The following KIAA1217 variants were observed in gnomAD, a reference collection of about 807,000 sequenced individuals.
The protein encoded by KIAA1217 is sickle tail protein homolog.
Under a neutral mutation model 163.9 loss-of-function variants are expected in KIAA1217, and 88 were observed. The ratio of observed to expected loss-of-function variants is 0.54; its 90% CI spans 0.45 to 0.64. The LOEUF is 0.64. Ranked by LOEUF, KIAA1217 falls within the 30% of genes least tolerant of loss-of-function variation. The pLI is 0.00. For missense variants in KIAA1217, 2,372 were observed against 2,475.0 expected (o/e 0.96, Z 0.88); for synonymous variants, 903 against 923.1 (o/e 0.98, Z 0.39).
intron 16 of KIAA1217, 31 bp from the exon 17 acceptor site, chr10:24,536,743 C>T (rs1174280210): frequency 6.2e-7 from 1 of 1,608,990 alleles, no homozygotes; most frequent in Non-Finnish European, 8.5e-7. Flanking sequence ...ACCCTTGGAT[C>T]CCTGTTAACC....
rs768727392 is a variant in KIAA1217, at chr10:24,391,333, C to CTTTTTT, written c.553+10288_553+10293dup. ...GGTTCTCCTGTTTCTTTCTTTCTTT[C>CTTTTTT]TTTTTTTTTTTTTTTTTTTTTTTTT... On this transcript the variant is annotated intron_variant, in intron 3 of 20. Coordinates refer to ENST00000376454, the MANE Select transcript of KIAA1217 (RefSeq NM_019590.5). Among the ~76,000 whole-genome samples, 88 of 29,878 alleles carry CTTTTTT rather than the reference C, an allele frequency of 2.9e-3. 2 individuals carry two copies. Among genetic ancestry groups the CTTTTTT allele is most frequent in the African/African-American group, 0.019 (74 of 3,898 alleles). 19.6% of individuals were successfully genotyped at this position (29,878 alleles called of 152,430 possible).
At chr10:24,313,505 G>A (rs912360273) in intron 2 of KIAA1217, among the ~76,000 whole-genome samples, 2 of 152,160 alleles carry the variant, frequency 1.3e-5, no homozygotes, top group Non-Finnish European at 2.9e-5. Context: ...ATATTAATGG[G>A]CTGTGTTGGT....
At chr10:23,742,443 T>C (rs1839171035) in intron 1 of KIAA1217, among the ~76,000 whole-genome samples, 1 of 152,204 alleles carries the variant, frequency 6.6e-6, no homozygotes, top group Non-Finnish European at 1.5e-5. Flanking sequence ...CTCACTGTTC[T>C]TCAGGCTGTG....
At chr10:24,352,926 G>A (rs1264783325) in intron 2 of KIAA1217, among the ~76,000 whole-genome samples, 1 of 152,074 alleles carries the variant, frequency 6.6e-6, no homozygotes, top group Non-Finnish European at 1.5e-5. Context: ...GAGGGTGGGT[G>A]GGGGTGGTGT....
intron 2 of KIAA1217, among the ~76,000 whole-genome samples, chr10:24,287,422 C>T (rs910910099): frequency 1.3e-5 from 2 of 152,156 alleles, no homozygotes; most frequent in African/African-American, 4.8e-5. Flanking sequence ...CCACGTTCAT[C>T]TTTGAAAAAA....
chr10:24,052,839 G>A (rs1053066661), intron 2 of KIAA1217, among the ~76,000 whole-genome samples: 21 of 152,106 alleles, frequency 1.4e-4, no homozygotes, highest in Admixed American at 1.4e-3. Flanking sequence ...CTATTTAGGA[G>A]CAAATTATCA....
intron 2 of KIAA1217, among the ~76,000 whole-genome samples, chr10:24,188,333 G>A (rs552563243): frequency 2.6e-5 from 4 of 152,178 alleles, no homozygotes; most frequent in Non-Finnish European, 5.9e-5. Context: ...AAGTAAAAGT[G>A]AAGCCTCAAA....
intron 1 of KIAA1217, among the ~76,000 whole-genome samples, chr10:23,774,293 G>A (rs1188536345): frequency 6.6e-6 from 1 of 152,216 alleles, no homozygotes; most frequent in African/African-American, 2.4e-5. Context: ...TGGCGAAAGA[G>A]GTGAAAGGAC....
intron 2 of KIAA1217, among the ~76,000 whole-genome samples, chr10:24,090,164 CTTTTTTTTT>C (rs1162687231): frequency 9.2e-6 from 1 of 109,238 alleles, no homozygotes; most frequent in Non-Finnish European, 1.8e-5. Context: ...TTTTCTTTTT[CTTTTTTTTT>C]TTTTTTTTTT....
intron 2 of KIAA1217, among the ~76,000 whole-genome samples, chr10:24,356,511 C>T (rs2049127816): frequency 6.6e-6 from 1 of 152,130 alleles, no homozygotes; most frequent in Admixed American, 6.6e-5. Flanking sequence ...TAGGAGGTTG[C>T]CGTGGTTTCA....
At chr10:23,972,531 G>T (rs1241205297) in intron 1 of KIAA1217, among the ~76,000 whole-genome samples, 1 of 149,418 alleles carries the variant, frequency 6.7e-6, no homozygotes, top group Non-Finnish European at 1.5e-5. Flanking sequence ...CAAACACTAT[G>T]TATTCTCACT....
intron 1 of KIAA1217, among the ~76,000 whole-genome samples, chr10:23,704,702 A>T (rs1394434137): frequency 6.6e-6 from 1 of 152,124 alleles, no homozygotes; most frequent in Non-Finnish European, 1.5e-5. Flanking sequence ...TTGTCCATTT[A>T]TCAGTTTATG....
chr10:24,397,760 C>A (rs182016548), intron 3 of KIAA1217, among the ~76,000 whole-genome samples: 1 of 152,274 alleles, frequency 6.6e-6, no homozygotes, highest in Non-Finnish European at 1.5e-5. Context: ...AGCAATGAAG[C>A]TGGAGCCACA....
intron 8 of KIAA1217, among the ~76,000 whole-genome samples, chr10:24,500,796 A>G (rs1327559063): frequency 4.6e-5 from 7 of 152,192 alleles, no homozygotes; most frequent in Non-Finnish European, 8.8e-5. Context: ...GAAATACAAA[A>G]AATTGGCCAA....
chr10:23,817,992 T>TACACAC (rs1381263730), intron 1 of KIAA1217, among the ~76,000 whole-genome samples: 1 of 114,832 alleles, frequency 8.7e-6, no homozygotes, highest in African/African-American at 4.1e-5. Flanking sequence ...TATATATATA[T>TACACAC]ATATATATAT....
At chr10:24,424,074 T>G (rs1466156716) in intron 3 of KIAA1217, among the ~76,000 whole-genome samples, 1 of 152,210 alleles carries the variant, frequency 6.6e-6, no homozygotes, top group African/African-American at 2.4e-5. Flanking sequence ...TTCCAAATTT[T>G]TTTTTTTTTT....
chr10:24,304,161 C>G (rs2041719810), intron 2 of KIAA1217, among the ~76,000 whole-genome samples: 1 of 141,210 alleles, frequency 7.1e-6, no homozygotes, highest in Admixed American at 7.1e-5. Context: ...AAAAGTGTTT[C>G]AGTTTGTCAT....
chr10:23,919,684 A>G (rs959647213), intron 1 of KIAA1217, among the ~76,000 whole-genome samples: 8 of 151,426 alleles, frequency 5.3e-5, no homozygotes, highest in African/African-American at 1.7e-4. Context: ...ATATTCATTC[A>G]TACATGCCAA....
rs761714735 is a variant in KIAA1217 at position 24,543,092 on chromosome 10, T to C, written c.3822T>C (p.Ser1274=). The change falls in exon 19 of 21, where the codon AGT becomes AGC. Residue 1274 remains serine (S), a synonymous_variant. Coordinates refer to ENST00000376454, the MANE Select transcript of KIAA1217 (RefSeq NM_019590.5). ...PKASFGFSGI[S]PLEDEINKGS... ...CCAGTTTCGGTTTCTCTGGCATTAG[T>C]CCATTAGAAGATGAAATAAACAAAG... The C allele has an allele frequency of 2.5e-6, 4 of 1,613,372 alleles. No individual in the cohort carries two copies. The highest frequency in any genetic ancestry group is 3.4e-6 in the Non-Finnish European group (4 of 1,179,896).
Sources: allele counts gnomAD v4.1 joint callset (sites outside exome capture counted in the v4.1 genomes callset), GRCh38; gene constraint gnomAD v4.1.1; transcripts MANE v1.5; gene names NCBI Gene and HGNC (gene_info 2026-07-23, HGNC 2026-07-21).